MACROD2: variants seen among roughly 807,000 people sequenced by gnomAD.
MACROD2 encodes ADP-ribose glycohydrolase MACROD2.
MACROD2 carries 36 observed loss-of-function variants against 70.4 expected under a neutral mutation model. That is an observed-to-expected ratio of 0.51 (90% confidence interval 0.39 to 0.68). The LOEUF (loss-of-function observed/expected upper bound fraction) is 0.68. Among genes scored for constraint, MACROD2 ranks in the 30% least tolerant of loss-of-function variants. The pLI, the probability that MACROD2 is intolerant of heterozygous loss-of-function variation, is 0.00. For synonymous variants in MACROD2, 172 were observed against 178.8 expected (o/e 0.96, Z 0.30); for missense variants, 496 against 538.4 (o/e 0.92, Z 0.78).
chr20:15,536,894 A>G (rs1790305884), intron 8 of MACROD2, among the ~76,000 whole-genome samples: 1 of 152,216 alleles, frequency 6.6e-6, no homozygotes, highest in Non-Finnish European at 1.5e-5. Context: ...TTTTCTTTGT[A>G]TAGTCAGCAA....
At chr20:14,547,828 C>T (rs1027352550) in intron 4 of MACROD2, among the ~76,000 whole-genome samples, 1 of 152,146 alleles carries the variant, frequency 6.6e-6, no homozygotes, top group Admixed American at 6.6e-5. Context: ...TTAAGAGGGG[C>T]TGGAATTTCC....
intron 6 of MACROD2, among the ~76,000 whole-genome samples, chr20:15,414,672 G>A (rs1600378471): frequency 6.6e-6 from 1 of 152,252 alleles, no homozygotes; most frequent in African/African-American, 2.4e-5. Context: ...CCTCTGTGTA[G>A]CTTTTGAAGA....
chr20:14,444,536 T>C (rs2084162458), intron 3 of MACROD2, among the ~76,000 whole-genome samples: 1 of 152,058 alleles, frequency 6.6e-6, no homozygotes, highest in South Asian at 2.1e-4. Flanking sequence ...CTTTTCTGAC[T>C]ACATTCACTC....
At chr20:14,538,866 C>T (rs1015581) in intron 4 of MACROD2, among the ~76,000 whole-genome samples, 84,111 of 151,982 alleles carry the variant, frequency 0.55, 23,514 homozygotes, top group Non-Finnish European at 0.57. Context: ...CATTTATTTT[C>T]GAGCCTACAT....
chr20:15,863,735 C>T (rs529731575), intron 9 of MACROD2, among the ~76,000 whole-genome samples: 4 of 152,272 alleles, frequency 2.6e-5, no homozygotes, highest in African/African-American at 7.2e-5. Flanking sequence ...GATGCATATT[C>T]ATCCTCTTAA....
chr20:14,366,259 G>A (rs1413193097), intron 3 of MACROD2, among the ~76,000 whole-genome samples: 1 of 151,136 alleles, frequency 6.6e-6, no homozygotes, highest in Non-Finnish European at 1.5e-5. Flanking sequence ...GTCAATTTTT[G>A]CTTTATATAT....
intron 3 of MACROD2, among the ~76,000 whole-genome samples, chr20:14,334,518 G>A (rs1020353030): frequency 3.3e-4 from 50 of 152,090 alleles, no homozygotes; most frequent in African/African-American, 1.1e-3. Context: ...TTTGCCCACT[G>A]GGGGGTGGTA....
chr20:15,223,176 G>A (rs1429865385), intron 5 of MACROD2, among the ~76,000 whole-genome samples: 1 of 152,204 alleles, frequency 6.6e-6, no homozygotes, highest in East Asian at 1.9e-4. Flanking sequence ...TTAGTCTGAT[G>A]AAGCACAAAA....
intron 10 of MACROD2, among the ~76,000 whole-genome samples, chr20:15,891,246 G>T (rs912697526): frequency 6.6e-6 from 1 of 152,124 alleles, no homozygotes; most frequent in African/African-American, 2.4e-5. Context: ...CAGGTGCAAA[G>T]GTTCTGAGGC....
intron 6 of MACROD2, among the ~76,000 whole-genome samples, chr20:15,313,225 G>A (rs950573675): frequency 2.6e-5 from 4 of 151,982 alleles, no homozygotes; most frequent in African/African-American, 7.2e-5. Context: ...AATGATATGC[G>A]GCCGTGTGCG....
intron 4 of MACROD2, among the ~76,000 whole-genome samples, chr20:14,572,980 G>A (rs1033580518): frequency 1.3e-5 from 2 of 151,710 alleles, no homozygotes; most frequent in African/African-American, 2.4e-5. Flanking sequence ...GCACCTACTT[G>A]AGAATTTGCC....
At chr20:15,552,632 C>T (rs1281222037) in intron 8 of MACROD2, 1 of 152,278 alleles carries the variant, frequency 6.6e-6, no homozygotes, top group Non-Finnish European at 1.5e-5. Flanking sequence ...CACTCCTTTC[C>T]TGGGGACTTC....
intron 2 of MACROD2, among the ~76,000 whole-genome samples, chr20:14,026,228 ATG>A (rs1601129133): frequency 1.3e-5 from 2 of 152,110 alleles, no homozygotes; most frequent in African/African-American, 4.8e-5. Context: ...TTTTGAGTCT[ATG>A]TGTGTCTTTG....
At chr20:14,422,530 TGAA>T (rs1230941309) in intron 3 of MACROD2, among the ~76,000 whole-genome samples, 1 of 152,152 alleles carries the variant, frequency 6.6e-6, no homozygotes, top group Non-Finnish European at 1.5e-5. Context: ...TTTTTTGTAG[TGAA>T]AAGCTTTGAT....
chr20:15,545,936 G>A (rs574371638), intron 8 of MACROD2, among the ~76,000 whole-genome samples: 4 of 152,250 alleles, frequency 2.6e-5, no homozygotes, highest in Admixed American at 6.5e-5. Flanking sequence ...CTTTGACCAC[G>A]CGTATTTGAA....
At chr20:14,030,228 G>A (rs565658235) in intron 2 of MACROD2, among the ~76,000 whole-genome samples, 4 of 152,078 alleles carry the variant, frequency 2.6e-5, no homozygotes, top group South Asian at 4.2e-4. Flanking sequence ...TGTAGAGACA[G>A]GATCTTGCTA....
At chr20:15,821,820 T>C (rs1568580254) in intron 8 of MACROD2, among the ~76,000 whole-genome samples, 1 of 152,142 alleles carries the variant, frequency 6.6e-6, no homozygotes, top group Non-Finnish European at 1.5e-5. Context: ...GGATGGAGCA[T>C]TGTGGCTTTT....
At chr20:15,823,280 G>A (rs1330918211) in intron 8 of MACROD2, among the ~76,000 whole-genome samples, 2 of 102,886 alleles carry the variant, frequency 1.9e-5, no homozygotes, top group East Asian at 4.7e-4. Flanking sequence ...CTCTTCGTGT[G>A]TGTGTGTGTG....
intron 5 of MACROD2, among the ~76,000 whole-genome samples, chr20:15,191,238 T>A (rs2145914660): frequency 6.6e-6 from 1 of 152,298 alleles, no homozygotes; most frequent in South Asian, 2.1e-4. Flanking sequence ...AAGTATTTAT[T>A]CACTGACTCC....
Sources: allele counts gnomAD v4.1 joint callset (sites outside exome capture counted in the v4.1 genomes callset), GRCh38; gene constraint gnomAD v4.1.1; transcripts MANE v1.5; gene names NCBI Gene and HGNC (gene_info 2026-07-23, HGNC 2026-07-21).